The following RPA2 variants were observed in gnomAD, a reference collection of about 807,000 sequenced individuals.
RPA2 encodes replication protein A2, also known as replication protein A 32 kDa subunit.
In RPA2, 22 loss-of-function variants were observed where a neutral mutation model predicts 33.4. The observed-to-expected ratio is 0.66, with a 90% confidence interval of 0.47 to 0.94. The LOEUF (loss-of-function observed/expected upper bound fraction) is 0.94, where lower values mean the gene tolerates loss of function less well. Ranked by LOEUF, RPA2 falls within the 40% of genes least tolerant of loss-of-function variation. The pLI, the probability that RPA2 is intolerant of heterozygous loss-of-function variation, is 0.00. For missense variants in RPA2, 279 were observed against 329.9 expected (o/e 0.85, Z 1.19); for synonymous variants, 109 against 114.9 (o/e 0.95, Z 0.33).
At chr1:27,903,177 CCTTGGCCTCCCAAAGTG>C (rs2089987960) in intron 4 of RPA2, among the ~76,000 whole-genome samples, 1 of 152,096 alleles carries the variant, frequency 6.6e-6, no homozygotes, top group South Asian at 2.1e-4. Flanking sequence ...GATCCACCTG[CCTTGGCCTCCCAAAGTG>C]CTGGAATTAC....
intron 5 of RPA2, 24 bp from the exon 6 acceptor site, chr1:27,897,145 G>T (rs368601442): frequency 3.3e-6 from 5 of 1,515,882 alleles, no homozygotes; most frequent in Non-Finnish European, 4.6e-6. Context: ...GGAAAAAAAT[G>T]TGAATAAAAT....
Position 27,892,272 on chromosome 1 carries a change from A to G in RPA2, c.729-25T>C, listed in dbSNP as rs760707926. 6.9e-6 allele frequency: 11 copies of G among 1,599,794 alleles called. No individual in the cohort carries two copies. The South Asian group carries it at 1.1e-4, about 16-fold the overall frequency. The stretch of plus-strand genomic sequence containing the variant: ...CCTAGAAAGAAAGAAGAAAAAAAAA[A>G]GGTCATTTTCAGGCCAATTCAGAAG... On this transcript the variant is annotated intron_variant, in intron 8 of 8. Transcript: ENST00000373912.
At chr1:27,914,739 G>T (rs560244552), upstream of RPA2, 9 of 1,508,496 alleles carry the variant, frequency 6.0e-6, no homozygotes, top group African/African-American at 9.6e-5. Flanking sequence ...AAAACCCTCC[G>T]CACTAGCGGA....
At position 27,914,473 on chromosome 1, in the gene RPA2, A is replaced by G. The variant is rs1334177671; in HGVS notation, c.-30T>C. ...GTCACGATTCTCCGCAAAGAGGCCG[A>G]GAAGGTGCGGGTCTGGGGGAATAGC... On this transcript the variant is annotated 5_prime_UTR_variant, in exon 1 of 9. Coordinates refer to ENST00000373912, the MANE Select transcript of RPA2 (RefSeq NM_002946.5). 1.9e-5 allele frequency: 31 copies of G among 1,592,286 alleles called. No individual in the cohort carries two copies. In the Admixed American group the frequency reaches 5.2e-4, roughly 27 times the overall value.
chr1:27,906,891 A>C, intron 4 of RPA2, 37 bp downstream of exon 4: 1 of 1,457,970 alleles, frequency 6.9e-7, no homozygotes, highest in Non-Finnish European at 9.5e-7. Context: ...CCACAGTTCC[A>C]AAGTAACCCC....
intron 6 of RPA2, among the ~76,000 whole-genome samples, chr1:27,894,981 A>G (rs2089871641): frequency 6.6e-6 from 1 of 152,314 alleles, no homozygotes; most frequent in East Asian, 1.9e-4. Context: ...AGTCTCTTTC[A>G]GTCCTCCTAA....
chr1:27,899,504 A>G (rs1314002638), intron 4 of RPA2, among the ~76,000 whole-genome samples: 31 of 135,568 alleles, frequency 2.3e-4, no homozygotes, highest in African/African-American at 8.2e-4. Context: ...TCTATCTCAA[A>G]AAAAAAAAGA....
At chr1:27,908,408 A>C (rs954723145) in intron 2 of RPA2, among the ~76,000 whole-genome samples, 1 of 151,916 alleles carries the variant, frequency 6.6e-6, no homozygotes, top group African/African-American at 2.4e-5. Flanking sequence ...GATGACACAC[A>C]TAAACCACTG....
chr1:27,912,839 C>T (rs1167033708), intron 2 of RPA2, among the ~76,000 whole-genome samples: 2 of 152,100 alleles, frequency 1.3e-5, no homozygotes, highest in Non-Finnish European at 2.9e-5. Flanking sequence ...GTATGTTAGC[C>T]CCTCTTCACA....
chr1:27,895,001 T>C (rs778483520), intron 6 of RPA2, among the ~76,000 whole-genome samples: 11 of 152,136 alleles, frequency 7.2e-5, no homozygotes, highest in Non-Finnish European at 1.6e-4. Flanking sequence ...ATACTTGACC[T>C]CTCGGAAGCA....
intron 2 of RPA2, among the ~76,000 whole-genome samples, chr1:27,909,749 A>T (rs1387824794): frequency 6.6e-6 from 1 of 151,964 alleles, no homozygotes; most frequent in Non-Finnish European, 1.5e-5. Flanking sequence ...TCTTGGTCAC[A>T]TGTATTAACT....
Position 27,914,066 on chromosome 1 carries a change from T to C in RPA2, c.114A>G (p.Lys38=), listed in dbSNP as rs1468018845. 6.3e-7 allele frequency: 1 copy of C among 1,591,094 alleles called. No homozygotes were observed. Among genetic ancestry groups the C allele is most frequent in the Admixed American group, 1.8e-5 (1 of 54,602 alleles). The change falls in exon 2 of 9, where the codon AAA becomes AAG. Residue 38 remains lysine, a synonymous_variant. Transcript: ENST00000373912. ...CTAAATACTCCTTTCAACCTACTGA[T>C]TTCTTTTCGGCTTGAGAAGGTGCGG... ...GSPAPSQAEK[K]SRARAQHIVP...
chr1:27,910,011 T>G (rs1337163009), intron 2 of RPA2, among the ~76,000 whole-genome samples: 5 of 152,214 alleles, frequency 3.3e-5, no homozygotes, highest in African/African-American at 1.2e-4. Context: ...ATTTATAGTC[T>G]TAAAATTTGC....
At chr1:27,910,827 C>T (rs1236707884) in intron 2 of RPA2, among the ~76,000 whole-genome samples, 2 of 152,080 alleles carry the variant, frequency 1.3e-5, no homozygotes, top group East Asian at 3.8e-4. Flanking sequence ...CACCACTGCA[C>T]TCCAGCGGGG....
At chr1:27,894,206 A>T in intron 7 of RPA2, 84 bp downstream of exon 7, 1 of 1,502,934 alleles carries the variant, frequency 6.7e-7, no homozygotes, top group Non-Finnish European at 9.2e-7. Context: ...CCAGGTACTT[A>T]AACAGTCGTA....
chr1:27,913,949 A>C (rs1367198403), intron 2 of RPA2, 114 bp downstream of exon 2: 1 of 1,008,128 alleles, frequency 9.9e-7, no homozygotes, highest in African/African-American at 1.6e-5. Context: ...ATAATAGATC[A>C]TTATCGCATC....
At chr1:27,900,401 C>T (rs569702154) in intron 4 of RPA2, among the ~76,000 whole-genome samples, 29 of 152,060 alleles carry the variant, frequency 1.9e-4, no homozygotes, top group African/African-American at 6.5e-4. Context: ...CATGAGCCAC[C>T]GCACCTGGCC....
At chr1:27,904,975 T>G (rs1031982901) in intron 4 of RPA2, among the ~76,000 whole-genome samples, 4 of 152,076 alleles carry the variant, frequency 2.6e-5, no homozygotes, top group African/African-American at 9.7e-5. Context: ...ATTATCCAAA[T>G]TTTCTGTAAT....
chr1:27,900,402 G>A lies in RPA2; in HGVS notation c.334-2695C>T, dbSNP rs74623322. On this transcript the variant is annotated intron_variant, in intron 4 of 8. Coordinates refer to ENST00000373912, the MANE Select transcript of RPA2 (RefSeq NM_002946.5). ...GCTGAGATTACACGCATGAGCCACC[G>A]CACCTGGCCAACAGCTCTTTTTTAA... 5.5e-4 allele frequency among the ~76,000 whole-genome samples: 83 copies of A among 152,018 alleles called. 2 individuals carry two copies. The East Asian group carries it at 0.015, about 28-fold the overall frequency.
Sources: allele counts gnomAD v4.1 joint callset (sites outside exome capture counted in the v4.1 genomes callset), GRCh38; gene constraint gnomAD v4.1.1; transcripts MANE v1.5; gene names NCBI Gene and HGNC (gene_info 2026-07-23, HGNC 2026-07-21).